SPAG6: variants seen among roughly 807,000 people sequenced by gnomAD.
SPAG6 encodes sperm-associated antigen 6.
SPAG6 carries 49 observed loss-of-function variants against 58.5 expected under a neutral mutation model. The ratio of observed to expected loss-of-function variants is 0.84; its 90% CI spans 0.67 to 1.06. SPAG6 has a LOEUF of 1.06. SPAG6 is among the 50% of genes least tolerant of loss of function. The pLI, the probability that SPAG6 is intolerant of heterozygous loss-of-function variation, is 0.00. For missense variants in SPAG6, 560 were observed against 611.3 expected, an observed-to-expected ratio of 0.92 and a Z score of 0.89; for synonymous variants, 233 against 225.6, an observed-to-expected ratio of 1.03 and a Z score of -0.29.
chr10:22,396,970 T>C (rs1338413524), intron 8 of SPAG6, among the ~76,000 whole-genome samples: 1 of 152,194 alleles, frequency 6.6e-6, no homozygotes, highest in Non-Finnish European at 1.5e-5. Context: ...TATAATCTGT[T>C]ATTCATTAGC....
chr10:22,387,019 T>A, intron 5 of SPAG6, 60 bp downstream of exon 5: 1 of 1,228,774 alleles, frequency 8.1e-7, no homozygotes, highest in African/African-American at 1.5e-5. Flanking sequence ...AAAATGGAAA[T>A]GTGTACACGT....
intron 2 of SPAG6, among the ~76,000 whole-genome samples, chr10:22,356,885 T>C (rs1478619886): frequency 6.6e-6 from 1 of 152,226 alleles, no homozygotes; most frequent in Admixed American, 6.5e-5. Flanking sequence ...TTACAAACTG[T>C]GACTTTGATC....
intron 4 of SPAG6, among the ~76,000 whole-genome samples, chr10:22,382,548 TATTA>T (rs1392190292): frequency 1.3e-5 from 2 of 152,156 alleles, no homozygotes; most frequent in Non-Finnish European, 1.5e-5. Context: ...TAGTATATAT[TATTA>T]ATTCTTTGAA....
At chr10:22,357,348 G>A (rs2132037513) in intron 2 of SPAG6, among the ~76,000 whole-genome samples, 1 of 152,136 alleles carries the variant, frequency 6.6e-6, no homozygotes, top group South Asian at 2.1e-4. Flanking sequence ...GTTCCTTGAG[G>A]TCAAGGACAA....
chr10:22,411,044 A>G lies in SPAG6; in HGVS notation c.1328A>G (p.Asp443Gly), dbSNP rs758430533. ...VGQFSKVLPH[D>G]SKARRLFVTS... ...TCACTTTGCAAGGTGCTGCCGCATG[A>G]TAGCAAAGCTCGACGACTTTTTGTA... is the stretch of plus-strand genomic sequence containing the variant. Residue 443 changes from aspartate (D) to glycine (G), a missense_variant, in exon 10 of 11, where the codon GAT becomes GGT. Physicochemically the swap from Asp to Gly is moderately conservative, Grantham distance 94. Transcript: ENST00000376624. The G allele has an allele frequency of 6.8e-6, 11 of 1,613,738 alleles. No homozygotes were observed. Among genetic ancestry groups the G allele is most frequent in the Non-Finnish European group, 9.3e-6 (11 of 1,179,934 alleles).
chr10:22,391,885 A>G lies in SPAG6; in HGVS notation c.1162A>G (p.Met388Val), dbSNP rs747368072. ...TTTGCCAGTTCTGCTTTCTTTGTAC[A>G]TGTCAACAGAAAGTTCTGAGGATCT... The part of the protein sequence containing the change: ...NTLPVLLSLY[M>V]STESSEDLQV... Residue 388 changes from methionine to valine, a missense_variant, in exon 8 of 11, where the codon ATG (methionine) becomes GTG (valine). Met to Val is a conservative substitution (Grantham distance 21). Transcript: ENST00000376624. The G allele has an allele frequency of 2.5e-5, 41 of 1,613,124 alleles. No homozygotes were observed. The Middle Eastern group carries it at 4.9e-4, about 19-fold the overall frequency.
At chr10:22,346,433 C>G (rs1264506738) in intron 2 of SPAG6, among the ~76,000 whole-genome samples, 2 of 92,816 alleles carry the variant, frequency 2.2e-5, no homozygotes, top group Admixed American at 1.1e-4. Flanking sequence ...GAAAATGGTT[C>G]TTCTTCTTCT....
chr10:22,384,587 C>G (rs1202617486), intron 4 of SPAG6, among the ~76,000 whole-genome samples: 1 of 152,094 alleles, frequency 6.6e-6, no homozygotes, highest in Admixed American at 6.6e-5. Flanking sequence ...GTGTGCTACT[C>G]AAGAGCAGTA....
chr10:22,400,665 G>A (rs1431215447), intron 8 of SPAG6, among the ~76,000 whole-genome samples: 6 of 151,940 alleles, frequency 3.9e-5, no homozygotes, highest in Non-Finnish European at 7.4e-5. Context: ...CTCTGCAAAT[G>A]CTCATTGAAT....
At chr10:22,373,956 A>C (rs1425276273) in intron 4 of SPAG6, among the ~76,000 whole-genome samples, 1 of 152,186 alleles carries the variant, frequency 6.6e-6, no homozygotes, top group African/African-American at 2.4e-5. Context: ...ACAACATTTT[A>C]ATTAATTATA....
At chr10:22,411,357 C>A in intron 10 of SPAG6, 181 bp downstream of exon 10, 1 of 483,022 alleles carries the variant, frequency 2.1e-6, no homozygotes, top group Non-Finnish European at 3.6e-6. Flanking sequence ...CTGACTGACA[C>A]GCACATTTCC....
chr10:22,387,765 A>C (rs1834101104), intron 5 of SPAG6, 58 bp from the exon 6 acceptor site: 1 of 1,517,394 alleles, frequency 6.6e-7, no homozygotes, highest in South Asian at 1.3e-5. Context: ...TTACATCTGA[A>C]CTCTGTAGTG....
At chr10:22,361,080 G>A (rs917028557) in intron 2 of SPAG6, 12 of 404,224 alleles carry the variant, frequency 3.0e-5, no homozygotes, top group African/African-American at 2.5e-4. Flanking sequence ...GCACTAAGAG[G>A]CAATTTAAGG....
intron 4 of SPAG6, among the ~76,000 whole-genome samples, chr10:22,377,574 C>T (rs1430312040): frequency 6.6e-6 from 1 of 152,132 alleles, no homozygotes; most frequent in Non-Finnish European, 1.5e-5. Context: ...CATATTTGCT[C>T]AGTGGGATAT....
intron 4 of SPAG6, among the ~76,000 whole-genome samples, chr10:22,376,874 C>T (rs1309089846): frequency 2.0e-5 from 3 of 151,614 alleles, no homozygotes; most frequent in East Asian, 1.9e-4. Context: ...TGCTTAAGGC[C>T]GGGAGTTCAA....
At chr10:22,392,958 G>A (rs1470734196) in intron 8 of SPAG6, among the ~76,000 whole-genome samples, 1 of 151,854 alleles carries the variant, frequency 6.6e-6, no homozygotes, top group Non-Finnish European at 1.5e-5. Context: ...AGGCTTTCTA[G>A]ACCAACAATT....
Position 22,345,750 on chromosome 10 carries a change from C to G in SPAG6, c.53C>G (p.Thr18Ser), listed in dbSNP as rs1836503640. 6.2e-7 allele frequency: 1 copy of G among 1,613,458 alleles called. No individual in the cohort carries two copies. Among genetic ancestry groups the G allele is most frequent in the African/African-American group, 1.3e-5 (1 of 74,910 alleles). ...QVFEQYQKAR[T>S]QFVQMVAELA... ...TTCGAGCAATACCAGAAGGCCAGGA[C>G]CCAGTTCGTGCAGATGGTGGCGGAG... Residue 18 changes from threonine (T) to serine (S), a missense_variant, in exon 2 of 11, where the codon ACC (threonine) becomes AGC (serine). Thr to Ser is a moderately conservative substitution (Grantham distance 58). Transcript: ENST00000376624. This position sits in a 1 kb window ranked among gnomAD's most constrained non-coding sequence, Gnocchi z 6.3.
chr10:22,377,921 G>C (rs1381689408), intron 4 of SPAG6, among the ~76,000 whole-genome samples: 1 of 151,862 alleles, frequency 6.6e-6, no homozygotes, highest in Non-Finnish European at 1.5e-5. Flanking sequence ...TTTGAAGTTT[G>C]AATAATAACA....
chr10:22,346,497 T>TTCTTCTTCTTCTTTC (rs1554776508), intron 2 of SPAG6, among the ~76,000 whole-genome samples: 1 of 74,378 alleles, frequency 1.3e-5, no homozygotes, highest in South Asian at 4.6e-4. Context: ...CTTCTTCTTC[T>TTCTTCTTCTTCTTTC]TTCTTCTTCT....
Sources: gnomAD v4.1 joint callset for allele counts (sites outside exome capture counted in the v4.1 genomes callset) on GRCh38, gnomAD v4.1.1 for gene constraint, Gnocchi (gnomAD v3.1) non-coding constraint, MANE v1.5 for transcripts, NCBI Gene and HGNC (gene_info 2026-07-23, HGNC 2026-07-21) for gene names.